The following ADGRL3 variants were observed in gnomAD, a reference collection of about 807,000 sequenced individuals.
ADGRL3 encodes the protein calcium-independent alpha-latrotoxin receptor 3.
ADGRL3 carries 62 observed loss-of-function variants against 153.5 expected under a neutral mutation model. The observed-to-expected ratio is 0.40, with a 90% confidence interval of 0.33 to 0.50. ADGRL3 has a LOEUF of 0.50. Ranked by LOEUF, ADGRL3 falls within the 20% of genes least tolerant of loss-of-function variation. The pLI, the probability that ADGRL3 is intolerant of heterozygous loss-of-function variation, is 0.47. For synonymous variants in ADGRL3, 710 were observed against 672.5 expected (o/e 1.06, Z -0.86); for missense variants, 1,641 against 1,859.4 (o/e 0.88, Z 2.16).
intron 2 of ADGRL3, among the ~76,000 whole-genome samples, chr4:61,433,367 A>T (rs78185464): frequency 3.7e-5 from 3 of 80,132 alleles, no homozygotes; most frequent in African/African-American, 7.9e-5. Context: ...TTTTTTTTTA[A>T]AAAAAAATCA....
chr4:61,282,451 A>G (rs2093757840), intron 1 of ADGRL3, among the ~76,000 whole-genome samples: 1 of 152,064 alleles, frequency 6.6e-6, no homozygotes, highest in Admixed American at 6.6e-5. Context: ...TTTAATATTC[A>G]TATAAGATCA....
intron 9 of ADGRL3, among the ~76,000 whole-genome samples, chr4:61,875,615 C>A (rs566928975): frequency 6.6e-6 from 1 of 152,222 alleles, no homozygotes; most frequent in East Asian, 1.9e-4. Flanking sequence ...AAGGGTAATA[C>A]TAAAAAGATA....
At chr4:61,382,500 A>T (rs2151911533) in intron 1 of ADGRL3, among the ~76,000 whole-genome samples, 1 of 151,900 alleles carries the variant, frequency 6.6e-6, no homozygotes, top group South Asian at 2.1e-4. Context: ...ATAAAATTAA[A>T]AAATTATGGT....
Position 61,481,489 on chromosome 4 carries a change from A to G in ADGRL3, c.-173-15632A>G, listed in dbSNP as rs2098131281. 2.0e-5 allele frequency among the ~76,000 whole-genome samples: 3 copies of G among 152,110 alleles called. No individual in the cohort carries two copies. In the South Asian group the frequency reaches 6.2e-4, roughly 31 times the overall value. ...AGTTTGTTGAGATTAAAAGAAACAA[A>G]CAAACAAAAAAACGCACTCTTGACA... On this transcript the variant is annotated intron_variant, in intron 2 of 26. Coordinates refer to ENST00000683033, the MANE Select transcript of ADGRL3 (RefSeq NM_001387552.1).
intron 9 of ADGRL3, among the ~76,000 whole-genome samples, chr4:61,869,373 T>C (rs960482349): frequency 7.0e-6 from 1 of 141,970 alleles, no homozygotes; most frequent in Non-Finnish European, 1.5e-5. Context: ...CCGAGGCGGG[T>C]GGATCATGAG....
intron 24 of ADGRL3, among the ~76,000 whole-genome samples, chr4:62,044,095 A>G (rs944425715): frequency 6.6e-5 from 10 of 152,058 alleles, no homozygotes; most frequent in African/African-American, 1.4e-4. Context: ...AAGTTATAGT[A>G]AAAATAATTT....
At chr4:61,647,184 C>G (rs2094044187) in intron 5 of ADGRL3, among the ~76,000 whole-genome samples, 1 of 152,060 alleles carries the variant, frequency 6.6e-6, no homozygotes, top group Non-Finnish European at 1.5e-5. Context: ...GTCTGGCACT[C>G]CCTAGTGAGA....
At chr4:61,698,475 C>A (rs113194262) in intron 6 of ADGRL3, among the ~76,000 whole-genome samples, 2,644 of 151,968 alleles carry the variant, frequency 0.017, 95 homozygotes, top group African/African-American at 0.06. Flanking sequence ...ACAACAACAA[C>A]AACAAAAACA....
At chr4:61,743,852 C>G (rs1015091349) in intron 8 of ADGRL3, among the ~76,000 whole-genome samples, 5 of 152,164 alleles carry the variant, frequency 3.3e-5, no homozygotes, top group African/African-American at 1.2e-4. Context: ...GAGTGCCAGA[C>G]AGTGGGCGCA....
At chr4:61,786,852 G>A (rs1454594754) in intron 8 of ADGRL3, among the ~76,000 whole-genome samples, 8 of 151,862 alleles carry the variant, frequency 5.3e-5, no homozygotes, top group Admixed American at 4.6e-4. Flanking sequence ...ATTTTATATT[G>A]ACAACTCTCA....
intron 8 of ADGRL3, among the ~76,000 whole-genome samples, chr4:61,754,679 T>A (rs1580646373): frequency 6.6e-6 from 1 of 152,098 alleles, no homozygotes; most frequent in African/African-American, 2.4e-5. Flanking sequence ...GCAGGTTAGT[T>A]ACATATGTAT....
At chr4:61,457,426 A>T (rs2097766699) in intron 2 of ADGRL3, among the ~76,000 whole-genome samples, 3 of 151,950 alleles carry the variant, frequency 2.0e-5, no homozygotes, top group Admixed American at 1.3e-4. Context: ...TTAAGATATT[A>T]TTAGCTTATT....
chr4:62,011,720 T>C (rs1416769482), intron 21 of ADGRL3, among the ~76,000 whole-genome samples: 1 of 152,132 alleles, frequency 6.6e-6, no homozygotes, highest in Non-Finnish European at 1.5e-5. Context: ...TTGAATACGG[T>C]TTTCAGAAAA....
intron 5 of ADGRL3, among the ~76,000 whole-genome samples, chr4:61,635,316 C>T (rs1398228431): frequency 6.6e-6 from 1 of 152,120 alleles, no homozygotes; most frequent in African/African-American, 2.4e-5. Context: ...CATTGAGTGA[C>T]CCAATGCATA....
intron 17 of ADGRL3, among the ~76,000 whole-genome samples, chr4:61,959,021 T>G (rs2098978225): frequency 6.6e-6 from 1 of 152,178 alleles, no homozygotes; most frequent in East Asian, 1.9e-4. Context: ...ATTATAAAAT[T>G]TAGGTAATGT....
chr4:61,593,350 T>G (rs1262733585), intron 5 of ADGRL3, among the ~76,000 whole-genome samples: 1 of 152,110 alleles, frequency 6.6e-6, no homozygotes, highest in Non-Finnish European at 1.5e-5. Context: ...CAGGGAGGTT[T>G]TTTTTGTTGT....
Position 62,070,959 on chromosome 4 carries a change from G to A in ADGRL3, c.*51G>A. On this transcript the variant is annotated 3_prime_UTR_variant, in exon 27 of 27. Transcript: ENST00000683033. The stretch of plus-strand genomic sequence containing the variant: ...CAAAACTGCTAACACCTTGTTGACT[G>A]TTCTGAGTTGATATAAGCAGTGGTA... 2.1e-6 allele frequency: 3 copies of A among 1,409,594 alleles called. No homozygotes were observed. Among genetic ancestry groups the A allele is most frequent in the Non-Finnish European group, 2.9e-6 (3 of 1,043,598 alleles). 87.3% of individuals were successfully genotyped at this position (1,409,594 alleles called of 1,614,324 possible). A position where few individuals can be genotyped will look rare whatever the true frequency, so the allele number is the denominator to read the frequency against.
At chr4:61,712,702 G>C (rs951467554) in intron 6 of ADGRL3, among the ~76,000 whole-genome samples, 5 of 152,130 alleles carry the variant, frequency 3.3e-5, no homozygotes, top group African/African-American at 1.2e-4. Flanking sequence ...GGTCCATGCA[G>C]TTACATCACT....
intron 6 of ADGRL3, among the ~76,000 whole-genome samples, chr4:61,722,588 A>T (rs2096261176): frequency 6.6e-6 from 1 of 152,198 alleles, no homozygotes; most frequent in East Asian, 1.9e-4. Context: ...GTTCCTTAGT[A>T]CAAATATGAT....
Sources: gnomAD v4.1 joint callset for allele counts (sites outside exome capture counted in the v4.1 genomes callset) on GRCh38, gnomAD v4.1.1 for gene constraint, MANE v1.5 for transcripts, NCBI Gene and HGNC (gene_info 2026-07-23, HGNC 2026-07-21) for gene names.